CFHR5: variants seen among roughly 807,000 people sequenced by gnomAD.
CFHR5 encodes complement factor H related 5, also known as complement factor H-related protein 5.
A neutral mutation model predicts 62.9 loss-of-function variants in CFHR5; 73 were observed. The ratio of observed to expected loss-of-function variants is 1.16; its 90% confidence interval spans 0.96 to 1.41. CFHR5 has a LOEUF of 1.41. Among genes scored for constraint, CFHR5 ranks in the 40% most tolerant of loss-of-function variants. CFHR5 has a pLI of 0.00. For missense variants in CFHR5, 779 were observed against 679.9 expected (o/e 1.15, Z -1.62); for synonymous variants, 249 against 227.2 (o/e 1.10, Z -0.86).
At position 196,984,082 on chromosome 1, in the gene CFHR5, A is replaced by C. The variant is rs775956342; in HGVS notation, c.375A>C (p.Lys125Asn). The C allele has an allele frequency of 6.2e-7, 1 of 1,613,842 alleles. No homozygotes were observed. The highest frequency in any genetic ancestry group is 8.5e-7 in the Non-Finnish European group (1 of 1,179,856). Reference sequence around the variant, plus strand: ...GATACAGCCTTCAAAACAATGAGAAAAACATTTCGTGTGTAGAACGGGGCT... The same window carrying C: ...GATACAGCCTTCAAAACAATGAGAACAACATTTCGTGTGTAGAACGGGGCT... ...NTGYSLQNNE[K>N]NISCVERGWS... The change falls in exon 3 of 10, where the codon AAA (lysine) becomes AAC (asparagine). Residue 125 changes from lysine to asparagine, a missense_variant. By Grantham distance (94) the Lys-to-Asn change is moderately conservative. Coordinates refer to ENST00000256785, the MANE Select transcript of CFHR5 (RefSeq NM_030787.4).
At chr1:196,988,508 G>T (rs913390721) in intron 3 of CFHR5, among the ~76,000 whole-genome samples, 3 of 152,114 alleles carry the variant, frequency 2.0e-5, no homozygotes, top group Non-Finnish European at 4.4e-5. Flanking sequence ...CTGTGGGTTT[G>T]TCATGAGTAG....
chr1:196,991,635 G>C (rs2125031966), intron 3 of CFHR5, among the ~76,000 whole-genome samples: 1 of 152,264 alleles, frequency 6.6e-6, no homozygotes, highest in East Asian at 1.9e-4. Context: ...TCAGCTGCAG[G>C]TCTGTTGGAT....
intron 4 of CFHR5, 24 bp from the exon 5 acceptor site, chr1:196,995,693 T>C (rs1318245486): frequency 6.3e-7 from 1 of 1,589,892 alleles, no homozygotes; most frequent in East Asian, 2.2e-5. Context: ...CATTTAAGCA[T>C]TATTTATGGT....
chr1:196,981,069 G>T (rs1653529701), intron 1 of CFHR5, among the ~76,000 whole-genome samples: 2 of 151,962 alleles, frequency 1.3e-5, no homozygotes, highest in Admixed American at 1.3e-4. Flanking sequence ...AATACCACAA[G>T]AATTATTTCA....
At chr1:196,979,044 G>A (rs950603547) in intron 1 of CFHR5, among the ~76,000 whole-genome samples, 2 of 152,044 alleles carry the variant, frequency 1.3e-5, no homozygotes, top group African/African-American at 4.8e-5. Context: ...AGAAATAACA[G>A]ACGAAAGCAA....
intron 4 of CFHR5, among the ~76,000 whole-genome samples, chr1:196,995,306 T>C (rs982447201): frequency 6.6e-6 from 1 of 151,444 alleles, no homozygotes; most frequent in Non-Finnish European, 1.5e-5. Context: ...AAAATATTAT[T>C]AATTTGGTGA....
intron 4 of CFHR5, 43 bp from the exon 5 acceptor site, chr1:196,995,674 T>C: frequency 6.5e-7 from 1 of 1,545,010 alleles, no homozygotes; most frequent in Non-Finnish European, 8.9e-7. Context: ...TTTTCTATAC[T>C]TATAAGACCA....
At chr1:196,989,405 C>G (rs1278891881) in intron 3 of CFHR5, among the ~76,000 whole-genome samples, 1 of 152,088 alleles carries the variant, frequency 6.6e-6, no homozygotes, top group East Asian at 1.9e-4. Context: ...TTCTTGCCTT[C>G]TGCTAGCTTT....
chr1:196,994,368 G>C, intron 4 of CFHR5, 112 bp downstream of exon 4: 1 of 898,784 alleles, frequency 1.1e-6, no homozygotes, highest in South Asian at 1.4e-5. Context: ...TGGTAAAATG[G>C]CAAAGGAGAA....
At chr1:196,998,373 A>T in intron 7 of CFHR5, 69 bp downstream of exon 7, 1 of 1,229,962 alleles carries the variant, frequency 8.1e-7, no homozygotes, top group African/African-American at 1.5e-5. Context: ...TTGAAATTAG[A>T]ATGTTTTTAA....
chr1:197,000,279 C>T (rs1248584999), intron 7 of CFHR5, among the ~76,000 whole-genome samples: 1 of 152,000 alleles, frequency 6.6e-6, no homozygotes, highest in Non-Finnish European at 1.5e-5. Flanking sequence ...ACACACCTTG[C>T]TTGTTCTTGA....
chr1:196,991,910 G>C (rs1405484486), intron 3 of CFHR5, among the ~76,000 whole-genome samples: 1 of 152,154 alleles, frequency 6.6e-6, no homozygotes, highest in South Asian at 2.1e-4. Flanking sequence ...GAGAACCACT[G>C]CTCTCTTCAG....
chr1:197,007,720 CAT>C (rs1302097854), intron 9 of CFHR5, among the ~76,000 whole-genome samples: 1 of 146,562 alleles, frequency 6.8e-6, no homozygotes, highest in East Asian at 2.0e-4. Context: ...CTTATATACA[CAT>C]GATACATATA....
chr1:196,982,688 A>T (rs1653572451), intron 1 of CFHR5, among the ~76,000 whole-genome samples, 197 bp from the exon 2 acceptor site: 1 of 152,010 alleles, frequency 6.6e-6, no homozygotes, highest in South Asian at 2.1e-4. Context: ...AAAAAAAAAA[A>T]GATCTCCTCA....
At position 197,000,527 on chromosome 1, in the gene CFHR5, G is replaced by A. The variant is rs567738228; in HGVS notation, c.1148-1955G>A. Among the ~76,000 whole-genome samples the A allele has an allele frequency of 2.0e-4, 30 of 152,234 alleles. No individual in the cohort carries two copies. The South Asian group carries it at 6.0e-3, about 31-fold the overall frequency. On this transcript the variant is annotated intron_variant, in intron 7 of 9. Coordinates refer to ENST00000256785, the MANE Select transcript of CFHR5 (RefSeq NM_030787.4). ...TTTTACCTAAAATATAAAAACAATA[G>A]TATATGTGTGATATTTGAATATCTA...
intron 1 of CFHR5, among the ~76,000 whole-genome samples, chr1:196,978,011 A>G (rs1222691538): frequency 1.3e-5 from 2 of 152,198 alleles, no homozygotes; most frequent in Non-Finnish European, 2.9e-5. Context: ...AAAGATGACA[A>G]GGTGAAATAT....
intron 8 of CFHR5, among the ~76,000 whole-genome samples, chr1:197,002,956 C>T (rs1423434012): frequency 1.3e-5 from 2 of 152,138 alleles, no homozygotes; most frequent in African/African-American, 4.8e-5. Flanking sequence ...CAAATACTTA[C>T]CATCATGTCA....
Position 196,983,943 on chromosome 1 carries a change from T to A in CFHR5, c.254-18T>A, listed in dbSNP as rs1653609653. 1 of 1,590,140 alleles carries A rather than the reference T, an allele frequency of 6.3e-7. No homozygotes were observed. Among genetic ancestry groups the A allele is most frequent in the Non-Finnish European group, 8.6e-7 (1 of 1,161,558 alleles). On this transcript the variant is annotated intron_variant, in intron 2 of 9. Transcript: ENST00000256785. ...TTGCTACTTCCATCTTGTACATTAATCAATTTTTGTTCCTTAGGAATGTGT... is the reference window on the plus strand; with the variant it reads ...TTGCTACTTCCATCTTGTACATTAAACAATTTTTGTTCCTTAGGAATGTGT...
In CFHR5 at chr1:196,999,705, A is replaced by ATATATATATATT. The variant is rs1558288949; in HGVS notation, c.1147+1412_1147+1413insTTATATATATAT. On this transcript the variant is annotated intron_variant, in intron 7 of 9. Coordinates refer to ENST00000256785, the MANE Select transcript of CFHR5 (RefSeq NM_030787.4). Reference sequence around the variant, plus strand: ...AAAGTATATATATATATATATATATATATATATATATATATATACACACAC... The same window carrying ATATATATATATT: ...AAAGTATATATATATATATATATATATATATATATATTTATATATATATATATATACACACAC... 1.5e-4 allele frequency among the ~76,000 whole-genome samples: 8 copies of ATATATATATATT among 52,752 alleles called. 1 individual carries two copies. The highest frequency in any genetic ancestry group is 4.0e-4 in the African/African-American group (8 of 20,146). 34.6% of individuals were successfully genotyped at this position (52,752 alleles called of 152,430 possible). A position where few individuals can be genotyped will look rare whatever the true frequency, so the allele number is the denominator to read the frequency against.
Sources: allele counts gnomAD v4.1 joint callset (sites outside exome capture counted in the v4.1 genomes callset), GRCh38; gene constraint gnomAD v4.1.1; transcripts MANE v1.5; gene names NCBI Gene and HGNC (gene_info 2026-07-23, HGNC 2026-07-21).